Variants in CFDP1 observed in about 807,000 individuals in gnomAD.
CFDP1 encodes heterochromatin-stabilizing protein CFDP1.
CFDP1 carries 31 observed loss-of-function variants against 40.1 expected under a neutral mutation model. The observed-to-expected ratio is 0.77, with a 90% CI of 0.58 to 1.04. The LOEUF (loss-of-function observed/expected upper bound fraction) is 1.04, where lower values mean the gene tolerates loss of function less well. CFDP1 is among the 50% of genes least tolerant of loss of function. The pLI is 0.00. For synonymous variants in CFDP1, 167 were observed against 120.0 expected, an observed-to-expected ratio of 1.39 and a Z score of -2.56; for missense variants, 423 against 343.4, an observed-to-expected ratio of 1.23 and a Z score of -1.83.
intron 1 of CFDP1, among the ~76,000 whole-genome samples, chr16:75,431,439 G>A (rs1039884688): frequency 4.9e-5 from 4 of 81,834 alleles, no homozygotes; most frequent in African/African-American, 1.9e-4. Context: ...GGGAGACAGA[G>A]CAAAACTCTT....
intron 5 of CFDP1, among the ~76,000 whole-genome samples, chr16:75,342,750 C>T (rs1219298059): frequency 6.6e-6 from 1 of 152,230 alleles, no homozygotes; most frequent in Non-Finnish European, 1.5e-5. Flanking sequence ...GAAGAAACCA[C>T]AGGGCAGTGA....
chr16:75,299,541 G>C (rs918244903), intron 6 of CFDP1, among the ~76,000 whole-genome samples: 1 of 151,782 alleles, frequency 6.6e-6, no homozygotes, highest in Non-Finnish European at 1.5e-5. Context: ...TTTGCAGTGA[G>C]CTGAGATCGC....
intron 5 of CFDP1, among the ~76,000 whole-genome samples, chr16:75,330,456 G>A (rs1197993544): frequency 1.3e-5 from 2 of 152,188 alleles, no homozygotes; most frequent in East Asian, 3.8e-4. Flanking sequence ...AGGCGTGGTG[G>A]CGCATGCCTG....
chr16:75,369,328 T>A (rs1035450164), intron 5 of CFDP1, among the ~76,000 whole-genome samples: 4 of 151,922 alleles, frequency 2.6e-5, no homozygotes, highest in Admixed American at 2.6e-4. Context: ...AAGGCAGTAT[T>A]GCTTGAGCCC....
At chr16:75,398,092 C>T (rs923757143) in intron 4 of CFDP1, among the ~76,000 whole-genome samples, 23 of 152,170 alleles carry the variant, frequency 1.5e-4, no homozygotes, top group African/African-American at 2.4e-4. Context: ...TTAGCTGAGC[C>T]GAGTCTAAAT....
chr16:75,335,297 G>A (rs1010647032), intron 5 of CFDP1, among the ~76,000 whole-genome samples: 2 of 152,044 alleles, frequency 1.3e-5, no homozygotes, highest in Non-Finnish European at 2.9e-5. Context: ...CCCTTAGGGG[G>A]AAAAATAACT....
intron 6 of CFDP1, among the ~76,000 whole-genome samples, chr16:75,303,992 G>C (rs2078241235): frequency 6.6e-6 from 1 of 152,142 alleles, no homozygotes; most frequent in South Asian, 2.1e-4. Flanking sequence ...CACTTCTGTG[G>C]TAACTTCCTT....
chr16:75,325,744 A>G (rs2078396686), intron 5 of CFDP1, among the ~76,000 whole-genome samples: 2 of 152,380 alleles, frequency 1.3e-5, no homozygotes, highest in African/African-American at 2.4e-5. Flanking sequence ...AATGTCATAC[A>G]TTATAAATCC....
intron 5 of CFDP1, among the ~76,000 whole-genome samples, chr16:75,378,483 T>A (rs1797529982): frequency 6.6e-6 from 1 of 152,010 alleles, no homozygotes; most frequent in Admixed American, 6.6e-5. Flanking sequence ...CAGATCAAAG[T>A]TTTAAAAAAT....
At chr16:75,325,882 T>C (rs902325482) in intron 5 of CFDP1, among the ~76,000 whole-genome samples, 1 of 152,220 alleles carries the variant, frequency 6.6e-6, no homozygotes, top group African/African-American at 2.4e-5. Context: ...CATTTATTAA[T>C]TGCAACAGAC....
intron 5 of CFDP1, among the ~76,000 whole-genome samples, chr16:75,351,217 A>C (rs1597348220): frequency 6.6e-6 from 1 of 152,330 alleles, no homozygotes; most frequent in East Asian, 1.9e-4. Context: ...TACTGTTTCT[A>C]AAGTAAAGAA....
intron 5 of CFDP1, among the ~76,000 whole-genome samples, chr16:75,313,746 TTC>T (rs1237578787): frequency 1.3e-5 from 2 of 151,792 alleles, no homozygotes; most frequent in Admixed American, 6.6e-5. Flanking sequence ...TCAAGCTGTC[TTC>T]TCTCTTTGCA....
intron 1 of CFDP1, among the ~76,000 whole-genome samples, chr16:75,430,232 G>A (rs531737911): frequency 3.4e-5 from 5 of 149,056 alleles, no homozygotes; most frequent in East Asian, 2.0e-4. Flanking sequence ...GTGCAGTGGC[G>A]CAACCTCAGC....
At chr16:75,402,782 T>C (rs2079066700) in intron 4 of CFDP1, among the ~76,000 whole-genome samples, 2 of 152,182 alleles carry the variant, frequency 1.3e-5, no homozygotes, top group African/African-American at 2.4e-5. Context: ...CTTATGAGAA[T>C]TCCTTATAAT....
Position 75,293,859 on chromosome 16 carries a change from C to T in CFDP1, c.*93G>A. 1.0e-6 allele frequency: 1 copy of T among 1,001,774 alleles called. No homozygotes were observed. The highest frequency in any genetic ancestry group is 2.2e-5 in the Admixed American group (1 of 45,648). The allele number at this position is 1,001,774 out of a possible 1,614,324, so 62.1% of individuals were successfully genotyped here. A position where few individuals can be genotyped will look rare whatever the true frequency, so the allele number is the denominator to read the frequency against. ...AAAAAAAAAAGACCTTGCTGGGAAA[C>T]AGATGATGAGAAACACTGTAAAACA... On this transcript the variant is annotated 3_prime_UTR_variant, in exon 7 of 7. Transcript: ENST00000283882.
At chr16:75,405,420 G>GT (rs1185186447) in intron 4 of CFDP1, among the ~76,000 whole-genome samples, 2 of 152,050 alleles carry the variant, frequency 1.3e-5, no homozygotes, top group Non-Finnish European at 2.9e-5. Context: ...GAGCCCAGGA[G>GT]TTTGACACCA....
intron 5 of CFDP1, among the ~76,000 whole-genome samples, chr16:75,353,097 G>A (rs1188739283): frequency 3.9e-5 from 6 of 152,002 alleles, no homozygotes; most frequent in African/African-American, 1.2e-4. Context: ...TACATTCCAA[G>A]TAGAAAAATT....
At chr16:75,313,992 C>G (rs1406056409) in intron 5 of CFDP1, among the ~76,000 whole-genome samples, 1 of 152,114 alleles carries the variant, frequency 6.6e-6, no homozygotes, top group Non-Finnish European at 1.5e-5. Context: ...TCAAGCAGTT[C>G]TTCTGCCTCA....
chr16:75,374,806 A>T (rs1567661431), intron 5 of CFDP1, among the ~76,000 whole-genome samples: 1 of 152,226 alleles, frequency 6.6e-6, no homozygotes, highest in Non-Finnish European at 1.5e-5. Context: ...ATGGAACTGA[A>T]ATAAAAATTG....
Sources: allele counts gnomAD v4.1 joint callset (sites outside exome capture counted in the v4.1 genomes callset), GRCh38; gene constraint gnomAD v4.1.1; transcripts MANE v1.5; gene names NCBI Gene and HGNC (gene_info 2026-07-23, HGNC 2026-07-21).